DIS3L2: variants seen among roughly 807,000 people sequenced by gnomAD.
DIS3L2 encodes DIS3-like exonuclease 2.
DIS3L2 carries 34 observed loss-of-function variants against 97.5 expected under a neutral mutation model. That is an observed-to-expected ratio of 0.35 (90% CI 0.27 to 0.46). DIS3L2 has a LOEUF of 0.46. Among genes scored for constraint, DIS3L2 ranks in the 20% least tolerant of loss-of-function variants. DIS3L2 has a pLI of 1.00. For synonymous variants in DIS3L2, 435 were observed against 445.2 expected, an observed-to-expected ratio of 0.98 and a Z score of 0.29; for missense variants, 1,038 against 1,146.0, an observed-to-expected ratio of 0.91 and a Z score of 1.36.
intron 14 of DIS3L2, among the ~76,000 whole-genome samples, chr2:232,317,395 T>C (rs898109590): frequency 2.6e-5 from 4 of 152,124 alleles, no homozygotes; most frequent in African/African-American, 7.2e-5. Flanking sequence ...TGCTCTTTTT[T>C]CCTCTCATGT....
chr2:232,161,770 C>T (rs1320843204), intron 8 of DIS3L2, among the ~76,000 whole-genome samples: 1 of 150,060 alleles, frequency 6.7e-6, no homozygotes, highest in African/African-American at 2.4e-5. Context: ...CGTGCCTGAC[C>T]CCAGTTCAAT....
At chr2:232,333,263 G>A (rs1206816851) in intron 16 of DIS3L2, among the ~76,000 whole-genome samples, 2 of 103,916 alleles carry the variant, frequency 1.9e-5, no homozygotes, top group Non-Finnish European at 4.0e-5. Flanking sequence ...CTCCGCTGTC[G>A]CCTCCTCCTC....
chr2:232,220,580 G>A (rs1332220834), intron 10 of DIS3L2, among the ~76,000 whole-genome samples: 3 of 151,878 alleles, frequency 2.0e-5, no homozygotes, highest in Admixed American at 6.6e-5. Context: ...GGTGGCACGC[G>A]CCTGTAATCC....
intron 5 of DIS3L2, among the ~76,000 whole-genome samples, chr2:232,046,907 T>G (rs1016505538): frequency 1.3e-5 from 2 of 152,164 alleles, no homozygotes; most frequent in African/African-American, 4.8e-5. Context: ...CTGCCTTGGC[T>G]TCCCAAAATG....
chr2:232,313,594 G>A (rs759215408), intron 14 of DIS3L2, among the ~76,000 whole-genome samples: 8 of 152,194 alleles, frequency 5.3e-5, no homozygotes, highest in Non-Finnish European at 7.3e-5. Context: ...ATAGATGACC[G>A]AGAGAAAAGT....
At chr2:232,117,613 C>T (rs1316279872) in intron 6 of DIS3L2, among the ~76,000 whole-genome samples, 1 of 152,216 alleles carries the variant, frequency 6.6e-6, no homozygotes, top group Non-Finnish European at 1.5e-5. Context: ...TCTGGCTCCC[C>T]TTGCCCACCA....
chr2:232,194,479 G>A (rs149939091), intron 9 of DIS3L2, among the ~76,000 whole-genome samples: 2 of 152,294 alleles, frequency 1.3e-5, no homozygotes, highest in African/African-American at 4.8e-5. Context: ...AAGTAAGAAT[G>A]GAGAAATAGT....
intron 3 of DIS3L2, among the ~76,000 whole-genome samples, chr2:232,022,170 C>G (rs1296381790): frequency 2.6e-5 from 4 of 152,192 alleles, no homozygotes; most frequent in East Asian, 1.9e-4. Context: ...AGGAACAACT[C>G]TGGTCTGCTG....
chr2:232,329,655 A>T, intron 14 of DIS3L2, 158 bp from the exon 15 acceptor site: 1 of 713,330 alleles, frequency 1.4e-6, no homozygotes, highest in Non-Finnish European at 2.2e-6. Context: ...CAAGACAGGG[A>T]CTTGGCGGAA....
At chr2:232,267,331 C>T (rs952825848) in intron 13 of DIS3L2, among the ~76,000 whole-genome samples, 1 of 152,236 alleles carries the variant, frequency 6.6e-6, no homozygotes, top group African/African-American at 2.4e-5. Context: ...CCTTTACCTA[C>T]AGTTCAACCT....
At chr2:232,173,575 A>T (rs994063602) in intron 9 of DIS3L2, among the ~76,000 whole-genome samples, 2 of 152,128 alleles carry the variant, frequency 1.3e-5, no homozygotes, top group African/African-American at 4.8e-5. Flanking sequence ...TAGTTGTTAT[A>T]TTTATGATCC....
chr2:231,982,967 A>C (rs1559513597), intron 1 of DIS3L2, among the ~76,000 whole-genome samples: 1 of 152,214 alleles, frequency 6.6e-6, no homozygotes, highest in Non-Finnish European at 1.5e-5. Context: ...GGTGTGAGCC[A>C]CTGCACCCAG....
intron 13 of DIS3L2, chr2:232,343,155 C>A: frequency 1.6e-6 from 1 of 623,964 alleles, no homozygotes; most frequent in Non-Finnish European, 2.9e-6. Flanking sequence ...GGCTCATCAT[C>A]AAAGCAGACT....
At chr2:232,222,425 C>T (rs1457172749) in intron 10 of DIS3L2, among the ~76,000 whole-genome samples, 3 of 152,118 alleles carry the variant, frequency 2.0e-5, no homozygotes. Flanking sequence ...TCTGTCAGCT[C>T]ATAAGGAAAT....
At chr2:232,034,402 G>A (rs1444732877) in intron 5 of DIS3L2, among the ~76,000 whole-genome samples, 1 of 151,646 alleles carries the variant, frequency 6.6e-6, no homozygotes, top group Non-Finnish European at 1.5e-5. Context: ...TTTTGTTAAT[G>A]TTTTCAAAAA....
intron 8 of DIS3L2, among the ~76,000 whole-genome samples, chr2:232,161,777 CA>C (rs1219793372): frequency 6.8e-6 from 1 of 147,320 alleles, no homozygotes; most frequent in Non-Finnish European, 1.5e-5. Flanking sequence ...GACCCCAGTT[CA>C]ATTTTTTTTT....
Position 232,292,012 on chromosome 2 carries a change from T to A in DIS3L2, c.1660-8028T>A, listed in dbSNP as rs187854238. ...TTGCATGACGTTCTCCAAGTATGGCTGTTTGACAAAGCTGCCTGTGTGCCT... is the reference window on the plus strand; with the variant it reads ...TTGCATGACGTTCTCCAAGTATGGCAGTTTGACAAAGCTGCCTGTGTGCCT... On this transcript the variant is annotated intron_variant, in intron 13 of 20. Transcript: ENST00000325385. This position sits in a 1 kb window ranked among gnomAD's most constrained non-coding sequence, Gnocchi z 4.4. Among the ~76,000 whole-genome samples, 2 of 152,270 alleles carry A rather than the reference T, an allele frequency of 1.3e-5. No homozygotes were observed. Among genetic ancestry groups the A allele is most frequent in the Non-Finnish European group, 2.9e-5 (2 of 68,022 alleles).
At chr2:232,105,501 T>A (rs1014332195) in intron 6 of DIS3L2, among the ~76,000 whole-genome samples, 5 of 152,172 alleles carry the variant, frequency 3.3e-5, no homozygotes, top group Non-Finnish European at 7.4e-5. Context: ...CCTTTTCACT[T>A]CTTTCTCTTC....
chr2:232,288,027 A>AT (rs1229671488), intron 13 of DIS3L2, among the ~76,000 whole-genome samples: 5 of 152,296 alleles, frequency 3.3e-5, no homozygotes, highest in Admixed American at 1.3e-4. Flanking sequence ...GTGGAAAGTG[A>AT]TTCTTCTACC....
Sources: gnomAD v4.1 joint callset for allele counts (sites outside exome capture counted in the v4.1 genomes callset) on GRCh38, gnomAD v4.1.1 for gene constraint, Gnocchi (gnomAD v3.1) non-coding constraint, MANE v1.5 for transcripts, NCBI Gene and HGNC (gene_info 2026-07-23, HGNC 2026-07-21) for gene names.